The following IMPA2 variants were observed in gnomAD, a reference collection of about 807,000 sequenced individuals.
IMPA2 encodes IMP 2.
IMPA2 carries 32 observed loss-of-function variants against 35.1 expected under a neutral mutation model. The ratio of observed to expected loss-of-function variants is 0.91; its 90% CI spans 0.69 to 1.23. The LOEUF (loss-of-function observed/expected upper bound fraction) is 1.23. Among genes scored for constraint, IMPA2 ranks in the 50% most tolerant of loss-of-function variants. IMPA2 has a pLI of 0.00. For synonymous variants in IMPA2, 135 were observed against 160.6 expected (o/e 0.84, Z 1.20); for missense variants, 334 against 387.6 (o/e 0.86, Z 1.16).
At chr18:11,990,283 G>A (rs933252153) in intron 1 of IMPA2, among the ~76,000 whole-genome samples, 6 of 152,162 alleles carry the variant, frequency 3.9e-5, no homozygotes, top group Non-Finnish European at 5.9e-5. Context: ...GTGTGCAGGC[G>A]GACTGGGAGG....
At chr18:12,006,982 T>G (rs1344798926) in intron 2 of IMPA2, among the ~76,000 whole-genome samples, 6 of 152,066 alleles carry the variant, frequency 3.9e-5, no homozygotes, top group Non-Finnish European at 5.9e-5. Flanking sequence ...ATAAAAAAAA[T>G]TAGCCAGGCG....
intron 2 of IMPA2, chr18:12,008,709 G>A (rs1907348463): frequency 5.4e-6 from 2 of 373,526 alleles, no homozygotes; most frequent in East Asian, 1.5e-4. Context: ...CCTTGTTTTT[G>A]GCCTGAGCAG....
chr18:11,986,920 C>T (rs1421056006), intron 1 of IMPA2, among the ~76,000 whole-genome samples: 1 of 152,182 alleles, frequency 6.6e-6, no homozygotes, highest in Non-Finnish European at 1.5e-5. Context: ...TGGTTCAGCC[C>T]GGCAGTGTAT....
At chr18:12,020,872 A>T (rs865867003) in intron 5 of IMPA2, among the ~76,000 whole-genome samples, 8 of 151,672 alleles carry the variant, frequency 5.3e-5, no homozygotes, top group Middle Eastern at 3.4e-3. Context: ...TTTTTTGGCA[A>T]AATTCTTTTA....
intron 5 of IMPA2, among the ~76,000 whole-genome samples, chr18:12,025,025 C>G (rs1460571256): frequency 6.6e-6 from 1 of 152,208 alleles, no homozygotes; most frequent in Non-Finnish European, 1.5e-5. Context: ...AAAAACCCCC[C>G]ATGCTCCGCC....
intron 2 of IMPA2, chr18:12,008,569 C>A: frequency 2.2e-6 from 1 of 456,786 alleles, no homozygotes; most frequent in Non-Finnish European, 4.4e-6. Context: ...GCGGCCAGCT[C>A]CACAGGGACC....
chr18:12,016,378 G>A (rs892190107), intron 5 of IMPA2, among the ~76,000 whole-genome samples: 9 of 151,688 alleles, frequency 5.9e-5, no homozygotes, highest in African/African-American at 1.9e-4. Context: ...TCAGCAGCAC[G>A]GTCTCTTGGC....
intron 5 of IMPA2, among the ~76,000 whole-genome samples, chr18:12,027,460 G>A (rs919886446): frequency 8.6e-5 from 13 of 151,782 alleles, no homozygotes; most frequent in Non-Finnish European, 1.6e-4. Context: ...TATTTCTATC[G>A]TTGCGATTGC....
chr18:12,016,111 A>T (rs1465808907), intron 5 of IMPA2, among the ~76,000 whole-genome samples: 1 of 152,186 alleles, frequency 6.6e-6, no homozygotes, highest in Admixed American at 6.5e-5. Flanking sequence ...AAAAATTCTG[A>T]TGGATAAAAT....
At chr18:12,014,401 T>G (rs1907521432) in intron 5 of IMPA2, 28 bp downstream of exon 5, 1 of 1,421,062 alleles carries the variant, frequency 7.0e-7, no homozygotes, top group Non-Finnish European at 9.6e-7. Context: ...CGTCTCAGTT[T>G]ACTTCTGAAA....
intron 1 of IMPA2, among the ~76,000 whole-genome samples, chr18:11,987,392 G>C (rs748536377): frequency 6.6e-6 from 1 of 152,158 alleles, no homozygotes; most frequent in Non-Finnish European, 1.5e-5. Context: ...GTGCAGTGGC[G>C]TGATCTTGGC....
intron 2 of IMPA2, among the ~76,000 whole-genome samples, chr18:12,006,322 C>T (rs1907246561): frequency 6.6e-6 from 1 of 152,264 alleles, no homozygotes; most frequent in Non-Finnish European, 1.5e-5. Context: ...AGTTCCTGAG[C>T]AGGGGCTCTG....
At position 12,010,496 on chromosome 18, in the gene IMPA2, C is replaced by T. The variant is rs910709019; in HGVS notation, c.335+509C>T. On this transcript the variant is annotated intron_variant, in intron 3 of 7. Coordinates refer to ENST00000269159, the MANE Select transcript of IMPA2 (RefSeq NM_014214.3). The surrounding 1 kb of genome is among the most constrained non-coding windows in gnomAD (Gnocchi z 4.8). ...TGGGGAGGTGAAGGGAATGGAGCTT[C>T]GGGGATGGTGAAGTGACAGGATGCA... is the stretch of plus-strand genomic sequence containing the variant. Among the ~76,000 whole-genome samples the T allele has an allele frequency of 7.2e-5, 11 of 152,114 alleles. No homozygotes were observed. Among genetic ancestry groups the T allele is most frequent in the Non-Finnish European group, 8.8e-5 (6 of 68,018 alleles).
At chr18:11,996,242 G>A (rs144673129) in intron 1 of IMPA2, among the ~76,000 whole-genome samples, 2 of 152,342 alleles carry the variant, frequency 1.3e-5, no homozygotes, top group East Asian at 3.9e-4. Flanking sequence ...CTGACCTGTC[G>A]GAGGTGAGCT....
intron 1 of IMPA2, among the ~76,000 whole-genome samples, chr18:11,982,109 C>T (rs1906518931): frequency 6.6e-6 from 1 of 152,182 alleles, no homozygotes; most frequent in Admixed American, 6.5e-5. Context: ...GGATTCAGCT[C>T]GCGGTAGGAA....
chr18:11,982,064 C>T (rs1396971679), intron 1 of IMPA2, among the ~76,000 whole-genome samples: 9 of 152,220 alleles, frequency 5.9e-5, no homozygotes, highest in Non-Finnish European at 1.3e-4. Context: ...CCAGGGGTAG[C>T]GTACGGGGCT....
intron 5 of IMPA2, chr18:12,017,932 T>C: frequency 6.8e-6 from 1 of 146,592 alleles, no homozygotes; most frequent in Admixed American, 8.6e-5. Context: ...TTATACTGGG[T>C]TTTTTTTTTT....
rs1204230108 is a variant in IMPA2 at position 12,007,570 on chromosome 18, CTTCTTTTCTTTCTT to C, written c.231-2297_231-2284del. The stretch of plus-strand genomic sequence containing the variant: ...CATGGGACGCTTCTTTCTTTCTTTC[CTTCTTTTCTTTCTT>C]TTCTTTTCTTTCTTTCTTTCTCTTT... On this transcript the variant is annotated intron_variant, in intron 2 of 7. Transcript: ENST00000269159. Among the ~76,000 whole-genome samples, 14 of 147,260 alleles carry C rather than the reference CTTCTTTTCTTTCTT, an allele frequency of 9.5e-5. No homozygotes were observed. The East Asian group carries it at 1.2e-3, about 13-fold the overall frequency.
At chr18:11,986,743 A>G (rs1906677588) in intron 1 of IMPA2, among the ~76,000 whole-genome samples, 1 of 152,132 alleles carries the variant, frequency 6.6e-6, no homozygotes, top group Admixed American at 6.5e-5. Flanking sequence ...CCCTGTTCTC[A>G]ATTTTCTGAG....
Sources: gnomAD v4.1 joint callset for allele counts (sites outside exome capture counted in the v4.1 genomes callset) on GRCh38, gnomAD v4.1.1 for gene constraint, Gnocchi (gnomAD v3.1) non-coding constraint, MANE v1.5 for transcripts, NCBI Gene and HGNC (gene_info 2026-07-23, HGNC 2026-07-21) for gene names.